The following CREBBP variants were observed in gnomAD, a reference collection of about 807,000 sequenced individuals.
CREBBP encodes CREB-binding protein.
Under a neutral mutation model 265.0 loss-of-function variants are expected in CREBBP, and 19 were observed. The ratio of observed to expected loss-of-function variants is 0.07; its 90% confidence interval spans 0.05 to 0.11. The LOEUF (loss-of-function observed/expected upper bound fraction) is 0.11. Among genes scored for constraint, CREBBP ranks in the 10% least tolerant of loss-of-function variants. CREBBP has a pLI of 1.00. For missense variants in CREBBP, 2,525 were observed against 3,219.0 expected (o/e 0.78, Z 5.22); for synonymous variants, 1,457 against 1,223.7 (o/e 1.19, Z -3.98).
intron 9 of CREBBP, 131 bp from the exon 10 acceptor site, chr16:3,778,313 T>A: frequency 2.7e-6 from 2 of 738,712 alleles, no homozygotes; most frequent in Non-Finnish European, 2.3e-6. Flanking sequence ...AAATACCTGA[T>A]ACACCAGAAG....
chr16:3,768,193 T>C (rs2052911929), intron 15 of CREBBP, among the ~76,000 whole-genome samples: 1 of 118,030 alleles, frequency 8.5e-6, no homozygotes. Context: ...ACACCCAGGC[T>C]GGAGTGCAAT....
chr16:3,875,052 C>T (rs2055371649), intron 1 of CREBBP, among the ~76,000 whole-genome samples: 2 of 152,204 alleles, frequency 1.3e-5, no homozygotes, highest in African/African-American at 2.4e-5. Flanking sequence ...TAATCACATA[C>T]TTTGCCACAC....
intron 3 of CREBBP, 37 bp from the exon 4 acceptor site, chr16:3,793,663 C>T: frequency 6.2e-7 from 1 of 1,603,010 alleles, no homozygotes; most frequent in Non-Finnish European, 8.5e-7. Context: ...ACTTTAACCT[C>T]TCAGAGTTCC....
chr16:3,729,274 C>T lies in CREBBP; in HGVS notation c.5773G>A (p.Ala1925Thr), dbSNP rs926745450. The T allele has an allele frequency of 6.5e-7, 1 of 1,531,544 alleles. No individual in the cohort carries two copies. The allele number at this position is 1,531,544 out of a possible 1,614,324, so 94.9% of individuals were successfully genotyped here. A position where few individuals can be genotyped will look rare whatever the true frequency, so the allele number is the denominator to read the frequency against. The change falls in exon 31 of 31, where the codon GCC (alanine) becomes ACC (threonine). Residue 1925 changes from alanine to threonine, a missense_variant. Physicochemically the swap from Ala to Thr is moderately conservative, Grantham distance 58 (BLOSUM62 0). Coordinates refer to ENST00000262367, the MANE Select transcript of CREBBP (RefSeq NM_004380.3). ...ACCGTGGTGGGGGGCTGAGTCCGGG[C>T]CACGCTGGGGAAGCCAGCTGGTGAC... ...SMSPAGFPSVARTQPPTTVST... is the reference protein window; with the variant it reads ...SMSPAGFPSVTRTQPPTTVST...
At chr16:3,846,261 A>G (rs1335768920) in intron 2 of CREBBP, among the ~76,000 whole-genome samples, 1 of 152,234 alleles carries the variant, frequency 6.6e-6, no homozygotes, top group East Asian at 1.9e-4. Flanking sequence ...CACACTTAAC[A>G]AAGAAGACAA....
At chr16:3,735,972 C>T (rs2052047070) in intron 28 of CREBBP, 64 bp downstream of exon 28, 1 of 1,613,804 alleles carries the variant, frequency 6.2e-7, no homozygotes, top group East Asian at 2.2e-5. Context: ...ACGCGCCTCC[C>T]AGCCTGCCAC....
chr16:3,770,557 CAG>C lies in CREBBP; in HGVS notation c.2880+11_2880+12del, dbSNP rs759214829. On this transcript the variant is annotated intron_variant, in intron 14 of 30. Coordinates refer to ENST00000262367, the MANE Select transcript of CREBBP (RefSeq NM_004380.3). ...AGTCTTGGCCCAAAAACAGCAGAGA[CAG>C]AGAGGCTTACCGGTGTGCCAGGAGG... The C allele has an allele frequency of 1.9e-6, 3 of 1,611,942 alleles. No individual in the cohort carries two copies. Among genetic ancestry groups the C allele is most frequent in the Non-Finnish European group, 2.5e-6 (3 of 1,179,866 alleles).
chr16:3,781,094 ACC>A, intron 7 of CREBBP, 108 bp downstream of exon 7: 1 of 1,123,472 alleles, frequency 8.9e-7, no homozygotes, highest in Non-Finnish European at 1.3e-6. Flanking sequence ...ACCCCTCACC[ACC>A]CCATTTAAAC....
In CREBBP at chr16:3,778,184, T is replaced by TA; in HGVS notation, c.1942-3dup. The TA allele has an allele frequency of 1.3e-6, 2 of 1,587,274 alleles. No homozygotes were observed. Among genetic ancestry groups the TA allele is most frequent in the South Asian group, 1.1e-5 (1 of 90,484 alleles). ...TGCTAATAAGTGATAATATTCATCC[T>TA]AAAAAGCAATAATATTCAATATGAA... On this transcript the variant is annotated splice_polypyrimidine_tract_variant and splice_region_variant and intron_variant, in intron 9 of 30. Transcript: ENST00000262367.
At chr16:3,745,143 T>C in intron 22 of CREBBP, 134 bp downstream of exon 22, 1 of 995,490 alleles carries the variant, frequency 1.0e-6, no homozygotes, top group Non-Finnish European at 1.6e-6. Context: ...AGAACTTAAA[T>C]TTAGAACCAA....
Position 3,781,318 on chromosome 16 carries a change from GA to G in CREBBP, c.1574-13del. 1 of 1,605,364 alleles carries G rather than the reference GA, an allele frequency of 6.2e-7. No individual in the cohort carries two copies. The highest frequency in any genetic ancestry group is 8.5e-7 in the Non-Finnish European group (1 of 1,172,868). On this transcript the variant is annotated splice_polypyrimidine_tract_variant and intron_variant, in intron 6 of 30. Transcript: ENST00000262367. The stretch of plus-strand genomic sequence containing the variant: ...CATTGGATTATTTCCTTTAAAGACA[GA>G]AAAGAAATCAATCAACAGTTAAATT...
In CREBBP at chr16:3,767,825, C is replaced by T. The variant is rs919137377; in HGVS notation, c.3145G>A (p.Asp1049Asn). ...ACTTTCACTTCAGGTTTCTTTTCAT[C>T]CACTTCCATTGGTTCTGATTTCTGC... is the stretch of plus-strand genomic sequence containing the variant. ...AEQKSEPMEVDEKKPEVKVEV... is the reference protein window; with the variant it reads ...AEQKSEPMEVNEKKPEVKVEV... The change falls in exon 16 of 31, where the codon GAT becomes AAT. Residue 1049 changes from aspartate (D) to asparagine (N), a missense_variant. This residue lies in a region of CREBBP where 548 missense variants were observed against 533.0 expected (regional missense o/e 1.03). Coordinates refer to ENST00000262367, the MANE Select transcript of CREBBP (RefSeq NM_004380.3). 49 of 1,614,094 alleles carry T rather than the reference C, an allele frequency of 3.0e-5. No individual in the cohort carries two copies. Among genetic ancestry groups the T allele is most frequent in the Non-Finnish European group, 4.1e-5 (48 of 1,180,030 alleles).
intron 1 of CREBBP, among the ~76,000 whole-genome samples, chr16:3,879,045 T>G (rs1271338980): frequency 6.6e-6 from 1 of 151,770 alleles, no homozygotes; most frequent in African/African-American, 2.4e-5. Context: ...TCTTTGTACA[T>G]CTACACTGTG....
intron 2 of CREBBP, among the ~76,000 whole-genome samples, chr16:3,826,772 C>T (rs565269226): frequency 9.2e-5 from 14 of 152,080 alleles, no homozygotes; most frequent in Non-Finnish European, 1.6e-4. Context: ...AATGGGGTAT[C>T]ATGGATGGTA....
chr16:3,772,352 C>CAT (rs1198008689), intron 13 of CREBBP, among the ~76,000 whole-genome samples: 3 of 151,598 alleles, frequency 2.0e-5, no homozygotes, highest in Admixed American at 6.6e-5. Flanking sequence ...CACACACACA[C>CAT]ACACACACAC....
intron 1 of CREBBP, among the ~76,000 whole-genome samples, chr16:3,872,299 A>C (rs1401881658): frequency 6.6e-6 from 1 of 152,116 alleles, no homozygotes; most frequent in Non-Finnish European, 1.5e-5. Context: ...AGCCTTGCCC[A>C]ATTTGATTTG....
intron 3 of CREBBP, 37 bp downstream of exon 3, chr16:3,810,566 C>A: frequency 6.2e-7 from 1 of 1,609,714 alleles, no homozygotes; most frequent in Non-Finnish European, 8.5e-7. Context: ...CAGCACCCAC[C>A]GGAGAGCCAT....
At chr16:3,769,619 C>T (rs748924467) in intron 14 of CREBBP, among the ~76,000 whole-genome samples, 9 of 152,110 alleles carry the variant, frequency 5.9e-5, no homozygotes, top group Non-Finnish European at 8.8e-5. Context: ...TTTATTTTCT[C>T]GAAGTTTTCT....
intron 1 of CREBBP, among the ~76,000 whole-genome samples, chr16:3,865,857 C>T (rs755806740): frequency 1.3e-5 from 2 of 152,186 alleles, no homozygotes; most frequent in Middle Eastern, 3.4e-3. Context: ...AGGACGGTCT[C>T]GATATCCTGA....
Sources: allele counts gnomAD v4.1 joint callset (sites outside exome capture counted in the v4.1 genomes callset), GRCh38; gene constraint gnomAD v4.1.1; regional missense constraint gnomAD v4.1.1; transcripts MANE v1.5; gene names NCBI Gene and HGNC (gene_info 2026-07-23, HGNC 2026-07-21).